Variants in POM121C observed in about 807,000 individuals in gnomAD.
POM121C encodes the protein POM121 transmembrane nucleoporin C.
A neutral mutation model predicts 66.4 loss-of-function variants in POM121C; 20 were observed. That is an observed-to-expected ratio of 0.30 (90% CI 0.21 to 0.44). POM121C has a LOEUF of 0.44. Ranked by LOEUF, POM121C falls within the 20% of genes least tolerant of loss-of-function variation. The pLI is 1.00. For missense variants in POM121C, 580 were observed against 1,225.7 expected (o/e 0.47, Z 7.87); for synonymous variants, 286 against 528.0 (o/e 0.54, Z 6.28).
At chr7:75,435,188 G>A (rs1425643907) in intron 7 of POM121C, among the ~76,000 whole-genome samples, 1 of 152,174 alleles carries the variant, frequency 6.6e-6, no homozygotes, top group Non-Finnish European at 1.5e-5. Context: ...TGTCAATAGA[G>A]GACTAGAGTA....
intron 7 of POM121C, among the ~76,000 whole-genome samples, chr7:75,437,234 ATTAG>A (rs1554473129): frequency 6.6e-6 from 1 of 152,188 alleles, no homozygotes; most frequent in African/African-American, 2.4e-5. Flanking sequence ...TGTATTTTCT[ATTAG>A]TTAGAGACAA....
Position 75,422,057 on chromosome 7 carries a change from A to G in POM121C, c.2195T>C (p.Phe732Ser), listed in dbSNP as rs587595217. ...LTPSFGSSFT[F>S]GNSAAPAPAT... Reference sequence around the variant, plus strand: ...CGGGGCCGGGGCTGCAGAGTTTCCAAAAGTGAAAGAGCTGCCAAAGCTGGG... The same window carrying G: ...CGGGGCCGGGGCTGCAGAGTTTCCAGAAGTGAAAGAGCTGCCAAAGCTGGG... Residue 732 changes from phenylalanine (F) to serine (S), a missense_variant, in exon 13 of 15, where the codon TTT (phenylalanine) becomes TCT (serine). Coordinates refer to ENST00000615331, the MANE Select transcript of POM121C (RefSeq NM_001099415.3). The G allele has an allele frequency of 1.9e-6, 3 of 1,611,152 alleles. No homozygotes were observed. The highest frequency in any genetic ancestry group is 1.7e-5 in the Admixed American group (1 of 59,942).
intron 1 of POM121C, among the ~76,000 whole-genome samples, chr7:75,485,205 T>C (rs3897241): frequency 6.6e-6 from 1 of 152,174 alleles, no homozygotes; most frequent in African/African-American, 2.4e-5. Flanking sequence ...GAATTGAGTA[T>C]GTGAGCTCTC....
intron 1 of POM121C, among the ~76,000 whole-genome samples, chr7:75,479,935 GA>G (rs1554479900): frequency 6.6e-6 from 1 of 151,658 alleles, no homozygotes; most frequent in Non-Finnish European, 1.5e-5. Flanking sequence ...TAATCAAAAG[GA>G]AGGAAGACAA....
chr7:75,437,006 A>T (rs1344515132), intron 7 of POM121C, among the ~76,000 whole-genome samples: 2 of 152,212 alleles, frequency 1.3e-5, no homozygotes, highest in Non-Finnish European at 2.9e-5. Flanking sequence ...TTTCCAAAAA[A>T]TCATGACCAC....
At position 75,418,353 on chromosome 7, in the gene POM121C, A is replaced by C; in HGVS notation, c.*443T>G. On this transcript the variant is annotated 3_prime_UTR_variant, in exon 15 of 15. Coordinates refer to ENST00000615331, the MANE Select transcript of POM121C (RefSeq NM_001099415.3). ...AGAACCACTTCTCACAGCTAAGCCA[A>C]GCAAGATAAAGCTTTAGGGATAACC... 1 of 986,872 alleles carries C rather than the reference A, an allele frequency of 1.0e-6. No homozygotes were observed. The highest frequency in any genetic ancestry group is 1.2e-6 in the Non-Finnish European group (1 of 830,186). 61.1% of individuals were successfully genotyped at this position (986,872 alleles called of 1,614,324 possible).
chr7:75,450,214 G>C (rs1436865530), intron 3 of POM121C, among the ~76,000 whole-genome samples: 6 of 152,148 alleles, frequency 3.9e-5, no homozygotes, highest in Non-Finnish European at 8.8e-5. Context: ...ATGGTCTGTG[G>C]CATTTTGCTA....
intron 3 of POM121C, among the ~76,000 whole-genome samples, chr7:75,472,547 C>T (rs587770845): frequency 1.3e-5 from 2 of 152,084 alleles, no homozygotes; most frequent in East Asian, 3.9e-4. Flanking sequence ...TGGCTCAGGC[C>T]TGTAATCCTA....
intron 7 of POM121C, among the ~76,000 whole-genome samples, chr7:75,432,442 G>T (rs1475544526): frequency 6.6e-6 from 1 of 152,110 alleles, no homozygotes; most frequent in African/African-American, 2.4e-5. Flanking sequence ...CAAGTAAAAT[G>T]TTAAGTCAAA....
chr7:75,453,659 A>G (rs375700277), intron 3 of POM121C, among the ~76,000 whole-genome samples: 5,592 of 151,844 alleles, frequency 0.037, 118 homozygotes, highest in Middle Eastern at 0.058. Flanking sequence ...CTAATTGCAT[A>G]AGAAACCAAT....
Position 75,440,988 on chromosome 7 carries a change from G to T in POM121C, c.193C>A (p.Gln65Lys). 6.2e-7 allele frequency: 1 copy of T among 1,613,942 alleles called. No individual in the cohort carries two copies. Among genetic ancestry groups the T allele is most frequent in the South Asian group, 1.1e-5 (1 of 91,080 alleles). ...KKKRTVEEED[Q>K]IFLDGQENKR... is the part of the protein sequence containing the mutation. The stretch of plus-strand genomic sequence containing the variant: ...TTTTCCTGGCCATCAAGGAATATTT[G>T]GTCTTCTTCCTCCACTGTCCTTTTC... Residue 65 changes from glutamine to lysine, a missense_variant, in exon 5 of 15, where the codon CAA (glutamine) becomes AAA (lysine). Gln to Lys is a moderately conservative substitution (Grantham distance 53, BLOSUM62 1). Coordinates refer to ENST00000615331, the MANE Select transcript of POM121C (RefSeq NM_001099415.3).
intron 1 of POM121C, 36 bp downstream of exon 1, chr7:75,485,828 C>A: frequency 4.0e-6 from 2 of 496,264 alleles, no homozygotes; most frequent in South Asian, 2.9e-5. Flanking sequence ...TTCACCCAGG[C>A]CCTTCTCGCT....
chr7:75,475,063 C>T lies in POM121C; in HGVS notation c.-332G>A, dbSNP rs1792024908. On this transcript the variant is annotated splice_region_variant and 5_prime_UTR_variant, in exon 2 of 15. Transcript: ENST00000615331. Reference sequence around the variant, plus strand: ...ATTCAGAAAGCAAGCTATCCTCACCCAAGGAAACTAGATGGCTGTAGTTCT... The same window carrying T: ...ATTCAGAAAGCAAGCTATCCTCACCTAAGGAAACTAGATGGCTGTAGTTCT... The T allele has an allele frequency of 7.3e-7, 1 of 1,375,722 alleles. No homozygotes were observed. The highest frequency in any genetic ancestry group is 1.4e-5 in the African/African-American group (1 of 71,524). The allele number at this position is 1,375,722 out of a possible 1,614,324, so 85.2% of individuals were successfully genotyped here. A position where few individuals can be genotyped will look rare whatever the true frequency, so the allele number is the denominator to read the frequency against.
chr7:75,479,604 A>G (rs1426452721), intron 1 of POM121C, among the ~76,000 whole-genome samples: 14 of 133,536 alleles, frequency 1.0e-4, no homozygotes, highest in Admixed American at 3.9e-4. Flanking sequence ...GGACAGAGTG[A>G]GACTCTGTCT....
At chr7:75,483,748 G>C (rs1282190375) in intron 1 of POM121C, among the ~76,000 whole-genome samples, 9 of 151,714 alleles carry the variant, frequency 5.9e-5, no homozygotes, top group Non-Finnish European at 1.0e-4. Context: ...TTTTGGTGCT[G>C]ATCTGCCACA....
At chr7:75,437,399 C>T (rs1397707092) in intron 7 of POM121C, 116 bp downstream of exon 7, 4 of 1,388,078 alleles carry the variant, frequency 2.9e-6, no homozygotes, top group African/African-American at 2.9e-5. Context: ...AGCAATCCTC[C>T]CGCTTTGGCC....
chr7:75,482,506 G>T (rs1248137133), intron 1 of POM121C, among the ~76,000 whole-genome samples: 4 of 152,134 alleles, frequency 2.6e-5, no homozygotes, highest in Non-Finnish European at 4.4e-5. Context: ...TGCATGACAC[G>T]GTGAAAGCCA....
intron 3 of POM121C, among the ~76,000 whole-genome samples, chr7:75,457,117 A>C (rs1791249591): frequency 6.6e-6 from 1 of 150,834 alleles, no homozygotes; most frequent in South Asian, 2.1e-4. Context: ...ACTGCACTCC[A>C]GCCTGGGCAA....
Position 75,441,476 on chromosome 7 carries a change from A to G in POM121C, c.21T>C (p.Thr7=), listed in dbSNP as rs1554473981. 5 of 1,613,944 alleles carry G rather than the reference A, an allele frequency of 3.1e-6. No individual in the cohort carries two copies. Among genetic ancestry groups the G allele is most frequent in the Non-Finnish European group, 4.2e-6 (5 of 1,179,830 alleles). ...TTCTGTCAGGAGGGGCGATCCTCAC[A>G]GTCACTGGGCTACACACCATCCTGG... MVCSPV[T]VRIAPPDRRF... Residue 7 remains threonine (T), a synonymous_variant, in exon 4 of 15, where the codon ACT becomes ACC. Transcript: ENST00000615331.
Sources: gnomAD v4.1 joint callset for allele counts (sites outside exome capture counted in the v4.1 genomes callset) on GRCh38, gnomAD v4.1.1 for gene constraint, MANE v1.5 for transcripts, NCBI Gene and HGNC (gene_info 2026-07-23, HGNC 2026-07-21) for gene names.